ADAD1: variants seen among roughly 807,000 people sequenced by gnomAD.
The protein encoded by ADAD1 is adenosine deaminase domain containing 1.
A neutral mutation model predicts 66.8 loss-of-function variants in ADAD1; 46 were observed. That is an observed-to-expected ratio of 0.69 (90% confidence interval 0.54 to 0.88). The LOEUF (loss-of-function observed/expected upper bound fraction) is 0.88, where lower values mean the gene tolerates loss of function less well. ADAD1 is among the 40% of genes least tolerant of loss of function. The pLI, the probability that ADAD1 is intolerant of heterozygous loss-of-function variation, is 0.00. For synonymous variants in ADAD1, 248 were observed against 229.4 expected, an observed-to-expected ratio of 1.08 and a Z score of -0.73; for missense variants, 617 against 681.8, an observed-to-expected ratio of 0.91 and a Z score of 1.06.
At chr4:122,429,545 C>A in intron 12 of ADAD1, 81 bp from the exon 13 acceptor site, 4 of 713,388 alleles carry the variant, frequency 5.6e-6, no homozygotes, top group South Asian at 5.3e-5. Context: ...AAATTTCAAG[C>A]TAAAGAAACA....
At position 122,380,992 on chromosome 4, in the gene ADAD1, G is replaced by A; in HGVS notation, c.173G>A (p.Gly58Asp). 6.3e-7 allele frequency: 1 copy of A among 1,582,170 alleles called. No homozygotes were observed. The highest frequency in any genetic ancestry group is 8.5e-7 in the Non-Finnish European group (1 of 1,172,366). Residue 58 changes from glycine to aspartate, a missense_variant and splice_region_variant, in exon 4 of 13, where the codon GGT becomes GAT. By Grantham distance (94) the Gly-to-Asp change is moderately conservative. Transcript: ENST00000296513. ...TGACAAGTATAACATTTGTTTTTAG[G>A]TAATTTTCCAGAGCCGTTGCTTTCC... ...KMASKVTQVTGNFPEPLLSKN... is the reference protein window; with the variant it reads ...KMASKVTQVTDNFPEPLLSKN...
chr4:122,424,426 T>TA (rs1288913992), intron 12 of ADAD1, among the ~76,000 whole-genome samples: 3 of 152,174 alleles, frequency 2.0e-5, no homozygotes, highest in Admixed American at 6.5e-5. Flanking sequence ...AGATGCAGTA[T>TA]ATATGACAAT....
chr4:122,390,803 A>G (rs1016358658), intron 5 of ADAD1, among the ~76,000 whole-genome samples: 2 of 152,276 alleles, frequency 1.3e-5, no homozygotes, highest in East Asian at 1.9e-4. Flanking sequence ...GGGTTAGAAC[A>G]TGCTCCTTTA....
chr4:122,380,556 G>T (rs368142010), intron 3 of ADAD1: 1 of 339,038 alleles, frequency 2.9e-6, no homozygotes, highest in Admixed American at 4.6e-5. Context: ...AGCACTTAGC[G>T]TAGTGTTAAG....
At chr4:122,423,178 A>T (rs915733088) in intron 12 of ADAD1, among the ~76,000 whole-genome samples, 1 of 152,116 alleles carries the variant, frequency 6.6e-6, no homozygotes, top group Non-Finnish European at 1.5e-5. Context: ...CAGAGGAGGT[A>T]TACTTGATTT....
intron 7 of ADAD1, among the ~76,000 whole-genome samples, chr4:122,399,242 T>C (rs1795856831): frequency 6.6e-6 from 1 of 152,156 alleles, no homozygotes; most frequent in African/African-American, 2.4e-5. Context: ...TTCTCCACTT[T>C]ATGTATTTGT....
rs1580808380 is a variant in ADAD1, at chr4:122,421,375, A to G, written c.1602A>G (p.Thr534=). 3.8e-6 allele frequency: 6 copies of G among 1,596,056 alleles called. No individual in the cohort carries two copies. Among genetic ancestry groups the G allele is most frequent in the Non-Finnish European group, 5.1e-6 (6 of 1,167,948 alleles). Residue 534 remains threonine, a synonymous_variant, in exon 12 of 13, where the codon ACA becomes ACG. Coordinates refer to ENST00000296513, the MANE Select transcript of ADAD1 (RefSeq NM_139243.4). ...EAKKELLEAG[T]YHAAKCMSAS... ...AAAAAGAATTACTTGAAGCTGGTACATATCATGCAGCTAAGGTAAGTCCTT... is the reference window on the plus strand; with the variant it reads ...AAAAAGAATTACTTGAAGCTGGTACGTATCATGCAGCTAAGGTAAGTCCTT...
chr4:122,428,149 G>A (rs1413423780), intron 12 of ADAD1, among the ~76,000 whole-genome samples: 1 of 151,968 alleles, frequency 6.6e-6, no homozygotes, highest in Admixed American at 6.6e-5. Flanking sequence ...AGATCTAACT[G>A]TAAGAGCTAA....
chr4:122,411,676 C>T (rs1320396056), intron 9 of ADAD1, among the ~76,000 whole-genome samples: 4 of 152,132 alleles, frequency 2.6e-5, no homozygotes, highest in African/African-American at 9.7e-5. Context: ...AGGAAATTCT[C>T]ATTGGAGCAT....
intron 5 of ADAD1, among the ~76,000 whole-genome samples, chr4:122,389,532 G>C (rs1795337823): frequency 6.6e-6 from 1 of 152,106 alleles, no homozygotes; most frequent in Non-Finnish European, 1.5e-5. Context: ...TATGAATCTG[G>C]GTGCTCCTGT....
At chr4:122,421,236 A>G in intron 11 of ADAD1, 25 bp from the exon 12 acceptor site, 1 of 1,505,126 alleles carries the variant, frequency 6.6e-7, no homozygotes, top group Non-Finnish European at 8.9e-7. Flanking sequence ...AAGAAATTTA[A>G]AAAATTTTAT....
chr4:122,396,716 G>C (rs893545103), intron 7 of ADAD1, among the ~76,000 whole-genome samples: 1 of 152,160 alleles, frequency 6.6e-6, no homozygotes. Context: ...TCTTATTCTT[G>C]TGGACATATA....
At chr4:122,391,761 G>C (rs1795460154) in intron 5 of ADAD1, among the ~76,000 whole-genome samples, 1 of 152,176 alleles carries the variant, frequency 6.6e-6, no homozygotes, top group East Asian at 1.9e-4. Flanking sequence ...CCATACTGGA[G>C]GGCAATGGCG....
chr4:122,380,285 T>G (rs780660195), intron 3 of ADAD1, 44 bp downstream of exon 3: 5 of 1,565,206 alleles, frequency 3.2e-6, no homozygotes, highest in Non-Finnish European at 4.3e-6. Flanking sequence ...TTCTTTAAGA[T>G]TCTAGGATGG....
Position 122,380,306 on chromosome 4 carries a change from C to A in ADAD1, c.172+65C>A, listed in dbSNP as rs184528704. The A allele has an allele frequency of 4.6e-6, 7 of 1,523,546 alleles. No homozygotes were observed. The African/African-American group carries it at 8.3e-5, about 18-fold the overall frequency. The allele number at this position is 1,523,546 out of a possible 1,614,324, so 94.4% of individuals were successfully genotyped here. On this transcript the variant is annotated intron_variant, in intron 3 of 12. Coordinates refer to ENST00000296513, the MANE Select transcript of ADAD1 (RefSeq NM_139243.4). ...AAGATTCTAGGATGGCCAGTAAGTT[C>A]TGTCGAGTCTCTGGTTTAAAGGTTT...
chr4:122,383,740 A>G (rs1294037741), intron 4 of ADAD1, 59 bp from the exon 5 acceptor site: 5 of 1,516,144 alleles, frequency 3.3e-6, no homozygotes, highest in African/African-American at 2.8e-5. Context: ...ATGTACATAC[A>G]TTGTTTGCAA....
chr4:122,394,025 A>G (rs2150550346), intron 6 of ADAD1, among the ~76,000 whole-genome samples: 1 of 152,220 alleles, frequency 6.6e-6, no homozygotes. Flanking sequence ...TGTTTTAATG[A>G]CCATTATTTG....
At chr4:122,392,604 G>A (rs1431243295) in intron 5 of ADAD1, among the ~76,000 whole-genome samples, 1 of 152,084 alleles carries the variant, frequency 6.6e-6, no homozygotes, top group African/African-American at 2.4e-5. Flanking sequence ...TGGATACTAT[G>A]GTCACTATCA....
chr4:122,429,244 G>C (rs1328750801), intron 12 of ADAD1, among the ~76,000 whole-genome samples: 1 of 151,718 alleles, frequency 6.6e-6, no homozygotes, highest in Admixed American at 6.6e-5. Context: ...GACCACCCTA[G>C]GCAACATGCA....
Sources: allele counts gnomAD v4.1 joint callset (sites outside exome capture counted in the v4.1 genomes callset), GRCh38; gene constraint gnomAD v4.1.1; transcripts MANE v1.5; gene names NCBI Gene and HGNC (gene_info 2026-07-23, HGNC 2026-07-21).